PABPC4L: variants seen among roughly 807,000 people sequenced by gnomAD.
The protein encoded by PABPC4L is poly(A) binding protein cytoplasmic 4 like.
For missense variants in PABPC4L, 452 were observed against 451.4 expected (o/e 1.00, Z -0.01); for synonymous variants, 169 against 164.1 (o/e 1.03, Z -0.23).
Position 134,199,680 on chromosome 4 carries a change from G to T in PABPC4L, c.*227C>A. ...GAACATATCAAAATAAGAAAAATGT[G>T]CAATATTAAAATTAGAAAATGTGCC... is the stretch of plus-strand genomic sequence containing the variant. On this transcript the variant is annotated 3_prime_UTR_variant, in exon 2 of 2. Transcript: ENST00000421491. The T allele has an allele frequency of 2.0e-6, 1 of 510,910 alleles. No homozygotes were observed. Among genetic ancestry groups the T allele is most frequent in the South Asian group, 2.8e-5 (1 of 35,492 alleles). The allele number at this position is 510,910 out of a possible 1,614,324, so 31.6% of individuals were successfully genotyped here.
the PABPC4L span, among the ~76,000 whole-genome samples, chr4:134,025,104 G>A: frequency 2.0e-5 from 3 of 150,636 alleles, no homozygotes; most frequent in African/African-American, 4.9e-5. Context: ...GCCAAGGTGG[G>A]TAGATCATTT....
At chr4:134,051,937 A>G in the PABPC4L span, among the ~76,000 whole-genome samples, 1 of 152,170 alleles carries the variant, frequency 6.6e-6, no homozygotes, top group East Asian at 1.9e-4. Context: ...GATATAAATT[A>G]AATGGTACTT....
At chr4:134,082,613 G>T in the PABPC4L span, among the ~76,000 whole-genome samples, 1 of 151,924 alleles carries the variant, frequency 6.6e-6, no homozygotes, top group Non-Finnish European at 1.5e-5. Flanking sequence ...AAACTAAGAA[G>T]AACAAAATAA....
chr4:134,074,492 T>A, the PABPC4L span, among the ~76,000 whole-genome samples: 733 of 152,254 alleles, frequency 4.8e-3, 9 homozygotes, highest in African/African-American at 0.017. Flanking sequence ...CATTTTCCTA[T>A]CTTATTTTGA....
At chr4:134,122,654 G>A in the PABPC4L span, among the ~76,000 whole-genome samples, 1 of 151,706 alleles carries the variant, frequency 6.6e-6, no homozygotes, top group Non-Finnish European at 1.5e-5. Flanking sequence ...AAACTTGATA[G>A]CATTAGTTGC....
the PABPC4L span, among the ~76,000 whole-genome samples, chr4:133,987,783 T>G: frequency 6.6e-6 from 1 of 152,186 alleles, no homozygotes; most frequent in Admixed American, 6.5e-5. Flanking sequence ...CACACTATTA[T>G]TTTTCTTCTG....
rs1006870902 is a variant in PABPC4L, at chr4:134,199,417, T to C, written c.*490A>G. On this transcript the variant is annotated 3_prime_UTR_variant, in exon 2 of 2. Transcript: ENST00000421491. Reference sequence around the variant, plus strand: ...TTCAAAATGAAATTAGGTCTTTAAATTCGTACTATAAATTTCTAAAAGTTT... The same window carrying C: ...TTCAAAATGAAATTAGGTCTTTAAACTCGTACTATAAATTTCTAAAAGTTT... 2 of 152,268 alleles carry C rather than the reference T, an allele frequency of 1.3e-5. No homozygotes were observed. The highest frequency in any genetic ancestry group is 3.8e-4 in the East Asian group (2 of 5,196). The allele number at this position is 152,268 out of a possible 1,614,324, so 9.4% of individuals were successfully genotyped here. A position where few individuals can be genotyped will look rare whatever the true frequency, so the allele number is the denominator to read the frequency against.
At chr4:134,139,764 A>G in the PABPC4L span, among the ~76,000 whole-genome samples, 10 of 151,508 alleles carry the variant, frequency 6.6e-5, no homozygotes, top group African/African-American at 2.2e-4. Flanking sequence ...GCCTCAAGTG[A>G]TCCTTCCACC....
chr4:133,959,000 T>C, the PABPC4L span, among the ~76,000 whole-genome samples: 5 of 152,208 alleles, frequency 3.3e-5, no homozygotes, highest in African/African-American at 1.2e-4. Context: ...TATTCACTTC[T>C]TCATCAAACT....
chr4:134,016,513 G>A, the PABPC4L span, among the ~76,000 whole-genome samples: 1 of 152,142 alleles, frequency 6.6e-6, no homozygotes, highest in Admixed American at 6.5e-5. Flanking sequence ...GCAGCTACCA[G>A]TCCAACTTAT....
the PABPC4L span, among the ~76,000 whole-genome samples, chr4:134,059,393 T>TATATATAC: frequency 6.7e-6 from 1 of 149,372 alleles, no homozygotes; most frequent in African/African-American, 2.4e-5. Context: ...AAACTATATA[T>TATATATAC]ATATATATAT....
chr4:134,138,681 A>C, the PABPC4L span, among the ~76,000 whole-genome samples: 1 of 151,832 alleles, frequency 6.6e-6, no homozygotes, highest in Non-Finnish European at 1.5e-5. Flanking sequence ...TTTTGAAATT[A>C]TAAAGCTACA....
chr4:133,973,460 A>G, the PABPC4L span, among the ~76,000 whole-genome samples: 49 of 152,280 alleles, frequency 3.2e-4, 2 homozygotes, highest in East Asian at 9.3e-3. Context: ...TCCAATAAAA[A>G]TAGCTGAATC....
At chr4:134,117,055 T>C in the PABPC4L span, among the ~76,000 whole-genome samples, 1 of 125,352 alleles carries the variant, frequency 8.0e-6, no homozygotes, top group Non-Finnish European at 1.8e-5. Context: ...TTTTCTATCC[T>C]TTCTTTCTTC....
chr4:134,076,344 C>T, the PABPC4L span, among the ~76,000 whole-genome samples: 1 of 152,046 alleles, frequency 6.6e-6, no homozygotes, highest in Admixed American at 6.6e-5. Context: ...GAGGTGCCTT[C>T]AAAGTGACAG....
At chr4:134,065,566 TA>T in the PABPC4L span, among the ~76,000 whole-genome samples, 1 of 152,122 alleles carries the variant, frequency 6.6e-6, no homozygotes, top group Non-Finnish European at 1.5e-5. Context: ...ATTCTGGAGG[TA>T]GTCTGTTTGC....
At position 134,200,561 on chromosome 4, in the gene PABPC4L, G is replaced by C; in HGVS notation, c.459C>G (p.Ala153=). The C allele has an allele frequency of 6.4e-7, 1 of 1,551,606 alleles. No individual in the cohort carries two copies. The change falls in exon 2 of 2, where the codon GCC becomes GCG. Residue 153 remains alanine (A), a synonymous_variant. Transcript: ENST00000421491. ...GTAGTTTTCCATTCATCTCCTCAAT[G>C]GCCCTGTCTGCAGCACTCTGGTTCT... ...HFQNQSAADR[A]IEEMNGKLLK...
At chr4:134,075,516 A>C in the PABPC4L span, among the ~76,000 whole-genome samples, 11 of 152,286 alleles carry the variant, frequency 7.2e-5, no homozygotes, top group South Asian at 2.3e-3. Context: ...AGTATCATTA[A>C]TTATCTGAAC....
chr4:134,079,538 C>T, the PABPC4L span, among the ~76,000 whole-genome samples: 1 of 130,736 alleles, frequency 7.6e-6, no homozygotes. Flanking sequence ...GAGATTGTGA[C>T]GCTGCACTCC....
Sources: gnomAD v4.1 joint callset for allele counts (sites outside exome capture counted in the v4.1 genomes callset) on GRCh38, gnomAD v4.1.1 for gene constraint, MANE v1.5 for transcripts, NCBI Gene and HGNC (gene_info 2026-07-23, HGNC 2026-07-21) for gene names.